SCOC: variants seen among roughly 807,000 people sequenced by gnomAD.
The protein encoded by SCOC is short coiled coil protein.
SCOC carries 7 observed loss-of-function variants against 9.9 expected under a neutral mutation model. The ratio of observed to expected loss-of-function variants is 0.71; its 90% CI spans 0.40 to 1.33. The LOEUF is 1.33. SCOC is among the 40% of genes most tolerant of loss of function. The pLI, the probability that SCOC is intolerant of heterozygous loss-of-function variation, is 0.01. For synonymous variants in SCOC, 19 were observed against 28.2 expected, an observed-to-expected ratio of 0.67 and a Z score of 1.03; for missense variants, 66 against 89.7, an observed-to-expected ratio of 0.74 and a Z score of 1.07.
chr4:140,322,487 T>C (rs1732529936), intron 1 of SCOC, among the ~76,000 whole-genome samples: 1 of 152,150 alleles, frequency 6.6e-6, no homozygotes, highest in African/African-American at 2.4e-5. Flanking sequence ...CATTGGAAAC[T>C]GGAGGAAAGG....
At position 140,381,120 on chromosome 4, in the gene SCOC, C is replaced by T. The variant is rs1216482240; in HGVS notation, c.*16C>T. The T allele has an allele frequency of 6.4e-7, 1 of 1,569,740 alleles. No individual in the cohort carries two copies. The highest frequency in any genetic ancestry group is 2.1e-5 in the Admixed American group (1 of 46,888). The stretch of plus-strand genomic sequence containing the variant: ...AAGAAAGTAAGGGATTGACACCCTT[C>T]TGTTTTATGGAATTGCTGCTGATCA... On this transcript the variant is annotated 3_prime_UTR_variant, in exon 4 of 4. Transcript: ENST00000608372.
chr4:140,281,210 G>GT (rs796630253), intron 1 of SCOC, among the ~76,000 whole-genome samples: 18 of 151,512 alleles, frequency 1.2e-4, no homozygotes, highest in African/African-American at 3.9e-4. Flanking sequence ...ACTCACCTAG[G>GT]TTTTTTCCCC....
chr4:140,385,407 G>A lies in SCOC; in HGVS notation c.*4303G>A, dbSNP rs548470020. The A allele has an allele frequency of 3.9e-5, 6 of 152,258 alleles. No individual in the cohort carries two copies. The East Asian group carries it at 9.6e-4, about 24-fold the overall frequency. 9.4% of individuals were successfully genotyped at this position (152,258 alleles called of 1,614,324 possible). On this transcript the variant is annotated 3_prime_UTR_variant, in exon 4 of 4. Coordinates refer to ENST00000608372, the MANE Select transcript of SCOC (RefSeq NM_001153484.2). The stretch of plus-strand genomic sequence containing the variant: ...CATAAAACCTTGCCGGGGAAGTCAG[G>A]CTCAGCTACCAGGTGAGTTTTGTTG...
chr4:140,301,096 C>T (rs1731797732), intron 1 of SCOC, among the ~76,000 whole-genome samples: 1 of 152,214 alleles, frequency 6.6e-6, no homozygotes, highest in African/African-American at 2.4e-5. Flanking sequence ...GCAGTGGTCA[C>T]CCAAGAATGG....
At chr4:140,366,566 C>G (rs1370658408) in intron 2 of SCOC, 2 of 1,600,840 alleles carry the variant, frequency 1.2e-6, no homozygotes, top group African/African-American at 2.7e-5. Context: ...GCTTTCCTTT[C>G]TCTGGCTTCA....
intron 1 of SCOC, among the ~76,000 whole-genome samples, chr4:140,258,650 T>C (rs1030560296): frequency 5.3e-5 from 8 of 152,210 alleles, no homozygotes; most frequent in African/African-American, 1.9e-4. Context: ...TTAGATTGTG[T>C]CTGAGTTGGA....
At chr4:140,330,552 T>C (rs931302694) in intron 1 of SCOC, among the ~76,000 whole-genome samples, 4 of 152,192 alleles carry the variant, frequency 2.6e-5, no homozygotes, top group African/African-American at 9.6e-5. Context: ...ATACTGACCT[T>C]AGTGAGCTAC....
intron 1 of SCOC, among the ~76,000 whole-genome samples, chr4:140,264,630 A>G (rs1444047496): frequency 6.6e-6 from 1 of 152,202 alleles, no homozygotes; most frequent in Non-Finnish European, 1.5e-5. Context: ...ACTATCATTT[A>G]GTGGGTGGAG....
intron 1 of SCOC, among the ~76,000 whole-genome samples, chr4:140,302,632 C>G (rs150939037): frequency 2.2e-3 from 331 of 152,322 alleles, no homozygotes; most frequent in Non-Finnish European, 4.2e-3. Flanking sequence ...TGAAAGGTAT[C>G]TTCAGAATGG....
intron 1 of SCOC, among the ~76,000 whole-genome samples, chr4:140,291,834 T>A (rs994817289): frequency 1.3e-5 from 2 of 152,232 alleles, no homozygotes; most frequent in African/African-American, 4.8e-5. Flanking sequence ...TGTCTGATCA[T>A]CCTCAAAATA....
chr4:140,271,954 C>T lies in SCOC; in HGVS notation c.-19+14544C>T, dbSNP rs969294651. Among the ~76,000 whole-genome samples the T allele has an allele frequency of 5.3e-5, 8 of 152,084 alleles. 1 individual carries two copies. Among genetic ancestry groups the T allele is most frequent in the Non-Finnish European group, 1.0e-4 (7 of 68,010 alleles). ...GGCGCCTGTCTGTGTGGTGAAATTC[C>T]AGGAGGCACCCACAGAGATTATGGC... is the stretch of plus-strand genomic sequence containing the variant. On this transcript the variant is annotated intron_variant, in intron 1 of 4. Transcript: ENST00000394205.
chr4:140,317,292 G>C (rs1732349888), intron 1 of SCOC, among the ~76,000 whole-genome samples: 1 of 152,140 alleles, frequency 6.6e-6, no homozygotes. Flanking sequence ...AAACTAAAAG[G>C]CAGAAATGGA....
At chr4:140,312,040 G>A (rs1265116299) in intron 1 of SCOC, among the ~76,000 whole-genome samples, 1 of 152,144 alleles carries the variant, frequency 6.6e-6, no homozygotes, top group African/African-American at 2.4e-5. Flanking sequence ...TTGCTTTCTG[G>A]CAAATATGAA....
At chr4:140,289,644 G>C (rs1229205650) in intron 1 of SCOC, among the ~76,000 whole-genome samples, 1 of 152,184 alleles carries the variant, frequency 6.6e-6, no homozygotes, top group East Asian at 1.9e-4. Context: ...TAAGTGACTT[G>C]TCACCAAATG....
chr4:140,287,497 GCA>G (rs1211760159), intron 1 of SCOC, among the ~76,000 whole-genome samples: 1 of 149,304 alleles, frequency 6.7e-6, no homozygotes, highest in Admixed American at 6.7e-5. Flanking sequence ...CATAGACCAT[GCA>G]CATACATCTA....
intron 2 of SCOC, among the ~76,000 whole-genome samples, chr4:140,357,045 C>G (rs919096129): frequency 5.3e-5 from 8 of 152,184 alleles, no homozygotes; most frequent in Non-Finnish European, 1.0e-4. Flanking sequence ...TCTCGGCTCA[C>G]TGCAACCTTC....
chr4:140,328,527 A>G (rs375548783), intron 1 of SCOC, among the ~76,000 whole-genome samples: 3 of 152,308 alleles, frequency 2.0e-5, no homozygotes, highest in African/African-American at 7.2e-5. Context: ...TGGGTACACT[A>G]CTGGCTGCAA....
chr4:140,313,513 A>C (rs1732216279), intron 1 of SCOC, among the ~76,000 whole-genome samples: 1 of 152,214 alleles, frequency 6.6e-6, no homozygotes, highest in African/African-American at 2.4e-5. Context: ...TAGCCTCCCA[A>C]AGTGCTGGGA....
intron 1 of SCOC, among the ~76,000 whole-genome samples, chr4:140,306,057 A>G (rs1382842049): frequency 2.0e-5 from 3 of 152,208 alleles, no homozygotes; most frequent in African/African-American, 7.2e-5. Context: ...TACTCATGCT[A>G]CTAATAAAGA....
Sources: gnomAD v4.1 joint callset for allele counts (sites outside exome capture counted in the v4.1 genomes callset) on GRCh38, gnomAD v4.1.1 for gene constraint, MANE v1.5 for transcripts, NCBI Gene and HGNC (gene_info 2026-07-23, HGNC 2026-07-21) for gene names.